The following OTOG variants were observed in gnomAD, a reference collection of about 807,000 sequenced individuals.
OTOG encodes the protein otogelin.
A neutral mutation model predicts 313.8 loss-of-function variants in OTOG; 296 were observed. That is an observed-to-expected ratio of 0.94 (90% CI 0.86 to 1.04). The LOEUF (loss-of-function observed/expected upper bound fraction) is 1.04. Among genes scored for constraint, OTOG ranks in the 50% least tolerant of loss-of-function variants. OTOG has a pLI of 0.00. For missense variants in OTOG, 3,948 were observed against 3,840.1 expected, an observed-to-expected ratio of 1.03 and a Z score of -0.74; for synonymous variants, 1,533 against 1,554.9, an observed-to-expected ratio of 0.99 and a Z score of 0.33.
intron 16 of OTOG, 102 bp from the exon 17 acceptor site, chr11:17,570,111 T>C (rs375923980): frequency 1.8e-6 from 2 of 1,097,124 alleles, no homozygotes; most frequent in South Asian, 1.5e-5. Context: ...GGGCGAAGAC[T>C]GGGCCGGGCG....
At position 17,645,601 on chromosome 11, in the gene OTOG, C is replaced by T. The variant is rs1050213774; in HGVS notation, c.8499C>T (p.Ile2833=). 1 of 1,550,650 alleles carries T rather than the reference C, an allele frequency of 6.4e-7. No individual in the cohort carries two copies. The highest frequency in any genetic ancestry group is 8.7e-7 in the Non-Finnish European group (1 of 1,146,998). The change falls in exon 55 of 56, where the codon ATC becomes ATT. Residue 2833 remains isoleucine (I), a synonymous_variant. Coordinates refer to ENST00000399397, the MANE Select transcript of OTOG (RefSeq NM_001292063.2). Reference sequence around the variant, plus strand: ...GGCGCTCCTGCAAGAAGGTGACCATCCGCATGACCATCCGCAAGAATGAAT... The same window carrying T: ...GGCGCTCCTGCAAGAAGGTGACCATTCGCATGACCATCCGCAAGAATGAAT... ...EDGRSCKKVT[I]RMTIRKNECR...
At chr11:17,600,058 C>T (rs910862148) in intron 31 of OTOG, among the ~76,000 whole-genome samples, 1 of 152,222 alleles carries the variant, frequency 6.6e-6, no homozygotes, top group Admixed American at 6.5e-5. Flanking sequence ...TTGGGTTCCC[C>T]GAAGATTAGC....
At chr11:17,553,089 T>TG in intron 4 of OTOG, 30 bp from the exon 5 acceptor site, 2 of 1,547,168 alleles carry the variant, frequency 1.3e-6, no homozygotes, top group Non-Finnish European at 1.7e-6. Context: ...CTCAGCTTGA[T>TG]GGGGCAATGA....
chr11:17,565,984 G>A (rs1186833152), intron 15 of OTOG, among the ~76,000 whole-genome samples: 1 of 152,126 alleles, frequency 6.6e-6, no homozygotes, highest in South Asian at 2.1e-4. Context: ...TTGGACGATG[G>A]TATTAGAATC....
intron 46 of OTOG, 129 bp downstream of exon 46, chr11:17,635,316 C>T (rs1263445455): frequency 1.4e-6 from 1 of 725,076 alleles, no homozygotes; most frequent in Admixed American, 2.7e-5. Context: ...GGGAGAAGGA[C>T]AAGCTCACTG....
At chr11:17,589,763 C>T (rs1362546688) in intron 24 of OTOG, among the ~76,000 whole-genome samples, 1 of 152,198 alleles carries the variant, frequency 6.6e-6, no homozygotes, top group Non-Finnish European at 1.5e-5. Context: ...CAGGCATTTT[C>T]CCCATCATTC....
At chr11:17,613,562 G>A (rs1441073271) in intron 38 of OTOG, 50 bp from the exon 39 acceptor site, 6 of 1,462,294 alleles carry the variant, frequency 4.1e-6, no homozygotes, top group Non-Finnish European at 5.6e-6. Context: ...CACTTGGAGG[G>A]GGACAGAGGA....
At chr11:17,629,047 G>A (rs1344115382) in intron 39 of OTOG, 86 bp from the exon 40 acceptor site, 3 of 1,289,660 alleles carry the variant, frequency 2.3e-6, no homozygotes, top group Non-Finnish European at 3.2e-6. Context: ...TGGATGGATG[G>A]ATGAATGGAT....
chr11:17,559,953 CAATT>C (rs1852147031), intron 12 of OTOG, among the ~76,000 whole-genome samples: 1 of 137,518 alleles, frequency 7.3e-6, no homozygotes, highest in East Asian at 2.1e-4. Context: ...AAGGAGCAAA[CAATT>C]AACAAATGAA....
chr11:17,641,576 T>C (rs1847971918), intron 51 of OTOG, among the ~76,000 whole-genome samples: 1 of 152,122 alleles, frequency 6.6e-6, no homozygotes, highest in African/African-American at 2.4e-5. Flanking sequence ...GAACTAAGAC[T>C]CAAATGGAGG....
chr11:17,623,800 C>T (rs1853919968), intron 39 of OTOG, among the ~76,000 whole-genome samples: 1 of 152,206 alleles, frequency 6.6e-6, no homozygotes, highest in Non-Finnish European at 1.5e-5. Context: ...TACAACCTTG[C>T]TAGCACCTGT....
intron 24 of OTOG, among the ~76,000 whole-genome samples, chr11:17,588,107 G>C (rs1361260263): frequency 6.6e-6 from 1 of 152,200 alleles, no homozygotes; most frequent in Non-Finnish European, 1.5e-5. Context: ...GACATGAGGA[G>C]GCATCTGCCT....
At chr11:17,570,414 C>G in intron 17 of OTOG, 24 bp downstream of exon 17, 1 of 1,547,820 alleles carries the variant, frequency 6.5e-7, no homozygotes. Context: ...CCACGGAACC[C>G]GAAGAAGAGG....
rs771377555 is a variant in OTOG at position 17,612,656 on chromosome 11, C to T, written c.6329C>T (p.Thr2110Ile). The change falls in exon 38 of 56, where the codon ACC becomes ATC. Residue 2110 changes from threonine (T) to isoleucine (I), a missense_variant. Thr to Ile is a moderately conservative substitution (Grantham distance 89). Coordinates refer to ENST00000399397, the MANE Select transcript of OTOG (RefSeq NM_001292063.2). ...CSIFPDLSFVTFDGSHVALFK... is the reference protein window; with the variant it reads ...CSIFPDLSFVIFDGSHVALFK... Reference sequence around the variant, plus strand: ...ATCTTCCCTGACCTGAGCTTCGTGACCTTCGATGGGAGCCACGTAGCTCTG... The same window carrying T: ...ATCTTCCCTGACCTGAGCTTCGTGATCTTCGATGGGAGCCACGTAGCTCTG... 3 of 1,550,502 alleles carry T rather than the reference C, an allele frequency of 1.9e-6. No individual in the cohort carries two copies. The highest frequency in any genetic ancestry group is 2.4e-5 in the South Asian group (2 of 84,058).
At chr11:17,630,827 A>AG (rs1456786065) in intron 40 of OTOG, among the ~76,000 whole-genome samples, 1 of 152,214 alleles carries the variant, frequency 6.6e-6, no homozygotes, top group Non-Finnish European at 1.5e-5. Context: ...TGGAGCATAT[A>AG]GATGGTATGT....
At position 17,572,221 on chromosome 11, in the gene OTOG, AGAG is replaced by A. The variant is rs772373355; in HGVS notation, c.2080+21_2080+23del. On this transcript the variant is annotated intron_variant, in intron 18 of 55. Coordinates refer to ENST00000399397, the MANE Select transcript of OTOG (RefSeq NM_001292063.2). ...TGCAAGCCGGTGAGTTGGTGGGGGA[AGAG>A]GAGAGGCATGGTTGAGTGGGGTGGG... 1 of 1,549,914 alleles carries A rather than the reference AGAG, an allele frequency of 6.5e-7. No homozygotes were observed. The highest frequency in any genetic ancestry group is 8.7e-7 in the Non-Finnish European group (1 of 1,146,594).
intron 15 of OTOG, among the ~76,000 whole-genome samples, chr11:17,568,233 A>G (rs896027974): frequency 1.3e-5 from 2 of 152,212 alleles, no homozygotes; most frequent in Non-Finnish European, 2.9e-5. Context: ...TCAGATTGCT[A>G]TGAGAGTTAG....
Position 17,642,283 on chromosome 11 carries a change from G to A in OTOG, c.8415+37G>A, listed in dbSNP as rs191544531. The A allele has an allele frequency of 1.7e-4, 259 of 1,522,802 alleles. No homozygotes were observed. The African/African-American group carries it at 3.4e-3, about 20-fold the overall frequency. 94.3% of individuals were successfully genotyped at this position (1,522,802 alleles called of 1,614,324 possible). A position where few individuals can be genotyped will look rare whatever the true frequency, so the allele number is the denominator to read the frequency against. ...CTTCTCCACTGAGGCTGTAGGCCAG[G>A]GGCATCAGCTGTCTCACTGGTGGTG... On this transcript the variant is annotated intron_variant, in intron 53 of 55. Transcript: ENST00000399397.
At chr11:17,629,964 TAAA>T (rs928592359) in intron 40 of OTOG, among the ~76,000 whole-genome samples, 2 of 151,742 alleles carry the variant, frequency 1.3e-5, no homozygotes, top group Non-Finnish European at 2.9e-5. Flanking sequence ...ATGGGTGAGA[TAAA>T]AACACTTACA....
Sources: allele counts gnomAD v4.1 joint callset (sites outside exome capture counted in the v4.1 genomes callset), GRCh38; gene constraint gnomAD v4.1.1; transcripts MANE v1.5; gene names NCBI Gene and HGNC (gene_info 2026-07-23, HGNC 2026-07-21).